FRAS1: variants seen among roughly 807,000 people sequenced by gnomAD.
FRAS1 encodes the protein extracellular matrix organizing protein FRAS1.
In FRAS1, 290 loss-of-function variants were observed where a neutral mutation model predicts 435.2. The observed-to-expected ratio is 0.67, with a 90% CI of 0.61 to 0.73. The LOEUF (loss-of-function observed/expected upper bound fraction) is 0.73, where lower values mean the gene tolerates loss of function less well. Among genes scored for constraint, FRAS1 ranks in the 30% least tolerant of loss-of-function variants. The pLI is 0.00. For synonymous variants in FRAS1, 1,800 were observed against 1,851.0 expected (o/e 0.97, Z 0.71); for missense variants, 4,860 against 5,001.5 (o/e 0.97, Z 0.85).
At chr4:78,390,099 C>G (rs1191790063) in intron 29 of FRAS1, among the ~76,000 whole-genome samples, 2 of 152,192 alleles carry the variant, frequency 1.3e-5, no homozygotes, top group Non-Finnish European at 2.9e-5. Context: ...GACTGCAATA[C>G]TGGCAACATT....
chr4:78,251,748 A>G (rs900153125), intron 4 of FRAS1, among the ~76,000 whole-genome samples: 2 of 152,226 alleles, frequency 1.3e-5, no homozygotes, highest in Non-Finnish European at 2.9e-5. Flanking sequence ...AGATTAAGTC[A>G]CTTACCTATA....
chr4:78,464,051 A>G lies in FRAS1; in HGVS notation c.6794A>G (p.Asp2265Gly), dbSNP rs748860766. ...CAGATTAGTTCCTTTACTCAAGCTGATCTGACTTCACGAAATGTTCAGTAT... is the reference window on the plus strand; with the variant it reads ...CAGATTAGTTCCTTTACTCAAGCTGGTCTGACTTCACGAAATGTTCAGTAT... ...GIQISSFTQA[D>G]LTSRNVQYVH... Residue 2265 changes from aspartate (D) to glycine (G), a missense_variant, in exon 48 of 74, where the codon GAT becomes GGT. Asp to Gly is a moderately conservative substitution (Grantham distance 94, BLOSUM62 -1). Transcript: ENST00000512123. 1.2e-6 allele frequency: 2 copies of G among 1,613,570 alleles called. No homozygotes were observed. The highest frequency in any genetic ancestry group is 1.1e-5 in the South Asian group (1 of 91,054).
chr4:78,358,815 C>G (rs1730964568), intron 20 of FRAS1, among the ~76,000 whole-genome samples: 1 of 151,984 alleles, frequency 6.6e-6, no homozygotes, highest in Non-Finnish European at 1.5e-5. Flanking sequence ...TTTTTGTTTG[C>G]TTACTTAATA....
chr4:78,505,065 C>G (rs990352622), intron 61 of FRAS1, among the ~76,000 whole-genome samples: 1 of 152,242 alleles, frequency 6.6e-6, no homozygotes, highest in Non-Finnish European at 1.5e-5. Flanking sequence ...CCACTCTCTT[C>G]TGGCTTGTAG....
rs767673293 is a variant in FRAS1 at position 78,499,740 on chromosome 4, A to G, written c.9135A>G (p.Glu3045=). 6.2e-7 allele frequency: 1 copy of G among 1,613,732 alleles called. No homozygotes were observed. Among genetic ancestry groups the G allele is most frequent in the East Asian group, 2.2e-5 (1 of 44,896 alleles). ...CCTTAGCCCCCACCATTGAGTTTGA[A>G]GAAGCTGCATACCAAGTCCGGGAAC... ...NDEDAPTIEF[E]EAAYQVREPA... Residue 3045 remains glutamate (E), a synonymous_variant, in exon 61 of 74, where the codon GAA becomes GAG. Transcript: ENST00000512123.
At chr4:78,422,289 G>A (rs1233438963) in intron 34 of FRAS1, among the ~76,000 whole-genome samples, 7 of 151,846 alleles carry the variant, frequency 4.6e-5, no homozygotes, top group Non-Finnish European at 8.8e-5. Flanking sequence ...AGCAAAAAGA[G>A]GCATAGATTC....
At chr4:78,167,001 C>G (rs1201823736) in intron 2 of FRAS1, among the ~76,000 whole-genome samples, 1 of 152,156 alleles carries the variant, frequency 6.6e-6, no homozygotes, top group Non-Finnish European at 1.5e-5. Flanking sequence ...ACAAGAGCAT[C>G]TGCCCTGTAT....
intron 2 of FRAS1, among the ~76,000 whole-genome samples, chr4:78,112,095 T>C (rs987893712): frequency 2.6e-5 from 4 of 152,162 alleles, no homozygotes; most frequent in Non-Finnish European, 4.4e-5. Flanking sequence ...TGTGTTGCCC[T>C]TTTTTTCTGT....
intron 2 of FRAS1, among the ~76,000 whole-genome samples, chr4:78,142,269 G>A (rs1720226954): frequency 6.6e-6 from 1 of 152,016 alleles, no homozygotes; most frequent in Non-Finnish European, 1.5e-5. Context: ...CTGAAGCTGA[G>A]CTATCAGTTA....
chr4:78,082,308 T>C lies in FRAS1; in HGVS notation c.108+16292T>C, dbSNP rs138956699. ...GGAATTTATCCTATTACCTTTATGC[T>C]TGAAAGTCTTTTACTGATCACCCTA... On this transcript the variant is annotated intron_variant, in intron 2 of 73. Coordinates refer to ENST00000512123, the MANE Select transcript of FRAS1 (RefSeq NM_025074.7). 1.2e-3 allele frequency among the ~76,000 whole-genome samples: 181 copies of C among 152,244 alleles called. 2 individuals are homozygous for C. The highest frequency in any genetic ancestry group is 4.1e-3 in the African/African-American group (170 of 41,542).
At chr4:78,128,758 A>G (rs192453787) in intron 2 of FRAS1, among the ~76,000 whole-genome samples, 1 of 152,246 alleles carries the variant, frequency 6.6e-6, no homozygotes, top group African/African-American at 2.4e-5. Context: ...CTTTAGTTTA[A>G]TGAGATCCCA....
At chr4:78,200,930 A>G (rs578250197) in intron 2 of FRAS1, among the ~76,000 whole-genome samples, 5 of 141,852 alleles carry the variant, frequency 3.5e-5, no homozygotes, top group Admixed American at 2.1e-4. Flanking sequence ...TTAAATATAT[A>G]TATTTATCTT....
At chr4:78,282,037 A>G (rs1727354694) in intron 11 of FRAS1, among the ~76,000 whole-genome samples, 3 of 152,198 alleles carry the variant, frequency 2.0e-5, no homozygotes, top group Admixed American at 2.0e-4. Context: ...ATACCGTCAC[A>G]TTAATTGTTT....
chr4:78,320,992 C>G (rs2110240515), intron 18 of FRAS1, among the ~76,000 whole-genome samples: 1 of 152,340 alleles, frequency 6.6e-6, no homozygotes, highest in South Asian at 2.1e-4. Context: ...TCCTAGACCA[C>G]TCAGCGCAGT....
In FRAS1 at chr4:78,446,665, A is replaced by C. The variant is rs945172970; in HGVS notation, c.5857-62A>C. ...TGTAGCAATGATACTGTCTCTGAAT[A>C]ATGTGCATTTTCTTTCTTCTTAAAT... is the stretch of plus-strand genomic sequence containing the variant. On this transcript the variant is annotated intron_variant, in intron 42 of 73. Coordinates refer to ENST00000512123, the MANE Select transcript of FRAS1 (RefSeq NM_025074.7). The C allele has an allele frequency of 1.9e-6, 3 of 1,561,104 alleles. No individual in the cohort carries two copies. The African/African-American group carries it at 4.1e-5, about 22-fold the overall frequency.
chr4:78,363,506 C>A lies in FRAS1; in HGVS notation c.2423-7C>A. 1 of 1,605,730 alleles carries A rather than the reference C, an allele frequency of 6.2e-7. No homozygotes were observed. On this transcript the variant is annotated splice_region_variant and splice_polypyrimidine_tract_variant and intron_variant, in intron 20 of 73. Coordinates refer to ENST00000512123, the MANE Select transcript of FRAS1 (RefSeq NM_025074.7). ...GTGCCTTCTCTGTGCTCCCCTTCCC[C>A]CTCCAGACTGCCATCACCTGTGCCA...
Position 78,372,809 on chromosome 4 carries a change from C to A in FRAS1, c.2961C>A (p.Cys987Ter). The A allele has an allele frequency of 6.2e-7, 1 of 1,612,994 alleles. No homozygotes were observed. The highest frequency in any genetic ancestry group is 1.1e-5 in the South Asian group (1 of 91,032). ...GCTATGTTCTCCAGGATGGGGCCTGCGTGGAGCAGTGCTTGTCATCATTTT... is the reference window on the plus strand; with the variant it reads ...GCTATGTTCTCCAGGATGGGGCCTGAGTGGAGCAGTGCTTGTCATCATTTT... ...MDGYVLQDGA[C>*]VEQCLSSFYQ... is the part of the protein sequence containing the mutation. The change falls in exon 24 of 74, where the codon TGC becomes TGA. Residue 987 changes from cysteine (C) to a stop codon, truncating the protein, a stop_gained. Transcript: ENST00000512123. LOFTEE classifies it high-confidence loss of function.
chr4:78,268,868 A>G lies in FRAS1; in HGVS notation c.981+1436A>G, dbSNP rs1037880401. ...AGCACTTCAGTATTCAAGTCACCCC[A>G]TAACACCGTCTCATTCCTTTCTAGT... On this transcript the variant is annotated intron_variant, in intron 9 of 73. Transcript: ENST00000512123. Among the ~76,000 whole-genome samples the G allele has an allele frequency of 2.0e-5, 3 of 152,342 alleles. No homozygotes were observed. The East Asian group carries it at 5.8e-4, about 29-fold the overall frequency.
intron 30 of FRAS1, among the ~76,000 whole-genome samples, chr4:78,404,366 T>G (rs1408648587): frequency 2.6e-5 from 4 of 152,034 alleles, no homozygotes; most frequent in African/African-American, 9.7e-5. Flanking sequence ...AATATTATCT[T>G]TTTGTTGTCA....
Sources: gnomAD v4.1 joint callset for allele counts (sites outside exome capture counted in the v4.1 genomes callset) on GRCh38, gnomAD v4.1.1 for gene constraint, MANE v1.5 for transcripts, NCBI Gene and HGNC (gene_info 2026-07-23, HGNC 2026-07-21) for gene names.